CTNND2: variants seen among roughly 807,000 people sequenced by gnomAD.
The protein encoded by CTNND2 is catenin delta-2.
CTNND2 carries 22 observed loss-of-function variants against 144.4 expected under a neutral mutation model. The observed-to-expected ratio is 0.15, with a 90% CI of 0.11 to 0.22. The LOEUF (loss-of-function observed/expected upper bound fraction) is 0.22, where lower values mean the gene tolerates loss of function less well. Among genes scored for constraint, CTNND2 ranks in the 10% least tolerant of loss-of-function variants. The pLI is 1.00. For missense variants in CTNND2, 1,353 were observed against 1,618.8 expected (o/e 0.84, Z 2.82); for synonymous variants, 751 against 695.6 (o/e 1.08, Z -1.25).
chr5:11,798,619 T>C (rs1791524082), intron 1 of CTNND2, among the ~76,000 whole-genome samples: 1 of 152,196 alleles, frequency 6.6e-6, no homozygotes, highest in East Asian at 1.9e-4. Context: ...ATACAAATAT[T>C]ATCTGGGCCT....
intron 11 of CTNND2, among the ~76,000 whole-genome samples, chr5:11,190,901 T>C (rs923553241): frequency 6.6e-6 from 1 of 152,196 alleles, no homozygotes; most frequent in African/African-American, 2.4e-5. Flanking sequence ...AACGGAAAAG[T>C]AGAAGGCAGG....
intron 9 of CTNND2, among the ~76,000 whole-genome samples, chr5:11,340,693 G>A (rs1212387562): frequency 6.6e-6 from 1 of 152,184 alleles, no homozygotes; most frequent in Admixed American, 6.5e-5. Context: ...TTTTGCAGAA[G>A]TTGCCTGTGA....
At chr5:11,110,236 C>T (rs1345275859) in intron 14 of CTNND2, among the ~76,000 whole-genome samples, 1 of 152,124 alleles carries the variant, frequency 6.6e-6, no homozygotes, top group African/African-American at 2.4e-5. Context: ...GAACCTACTT[C>T]CCGCTGCAGC....
At chr5:10,989,572 T>G (rs1266030289) in intron 19 of CTNND2, among the ~76,000 whole-genome samples, 1 of 152,212 alleles carries the variant, frequency 6.6e-6, no homozygotes, top group Non-Finnish European at 1.5e-5. Context: ...TCAGTTTACC[T>G]TCGAGCTTAT....
chr5:11,830,734 T>C (rs1793855792), intron 1 of CTNND2, among the ~76,000 whole-genome samples: 1 of 152,020 alleles, frequency 6.6e-6, no homozygotes, highest in African/African-American at 2.4e-5. Flanking sequence ...GGGCTGAAAA[T>C]GGAGGAAGCT....
rs190117043 is a variant in CTNND2 at position 11,113,557 on chromosome 5, G to A, written c.2278-2514C>T. Among the ~76,000 whole-genome samples, 336 of 152,174 alleles carry A rather than the reference G, an allele frequency of 2.2e-3. 6 individuals are homozygous for A. The highest frequency in any genetic ancestry group is 2.2e-3 in the Non-Finnish European group (153 of 68,006). ...TTTGACTACAGGAACCATGGAAAGC[G>A]GAGAAAAATATCCAATTTTAGAAGG... On this transcript the variant is annotated intron_variant, in intron 13 of 21. Transcript: ENST00000304623.
At chr5:11,357,667 G>T (rs992886905) in intron 8 of CTNND2, among the ~76,000 whole-genome samples, 6 of 152,056 alleles carry the variant, frequency 3.9e-5, no homozygotes, top group African/African-American at 1.4e-4. Context: ...TTACAGAATA[G>T]CTAGAAGAGA....
intron 1 of CTNND2, among the ~76,000 whole-genome samples, chr5:11,744,902 AT>A (rs892636559): frequency 5.0e-4 from 76 of 151,676 alleles, no homozygotes; most frequent in African/African-American, 1.8e-3. Context: ...CGTCCAGCTA[AT>A]TTTTGTGCTT....
intron 1 of CTNND2, among the ~76,000 whole-genome samples, chr5:11,805,044 T>C (rs1411942059): frequency 2.6e-5 from 4 of 152,294 alleles, no homozygotes; most frequent in Admixed American, 6.5e-5. Flanking sequence ...TTGTTTCCCA[T>C]GGAAGCATGG....
intron 1 of CTNND2, among the ~76,000 whole-genome samples, chr5:11,869,575 T>C (rs1258793801): frequency 6.6e-6 from 1 of 152,134 alleles, no homozygotes; most frequent in East Asian, 1.9e-4. Flanking sequence ...GCTGCAAGAA[T>C]GGAAAGATGG....
intron 12 of CTNND2, among the ~76,000 whole-genome samples, chr5:11,120,514 C>T (rs1156247271): frequency 2.7e-5 from 4 of 148,670 alleles, no homozygotes; most frequent in African/African-American, 1.0e-4. Context: ...TAATGAGGCT[C>T]AGTATACATA....
chr5:11,473,451 G>A (rs968535304), intron 3 of CTNND2, among the ~76,000 whole-genome samples: 2 of 152,156 alleles, frequency 1.3e-5, no homozygotes, highest in Non-Finnish European at 2.9e-5. Flanking sequence ...CTGAGAAGGG[G>A]ATACTGAGTG....
In CTNND2 at chr5:11,659,952, A is replaced by C. The variant is rs181753564; in HGVS notation, c.174+72184T>G. Among the ~76,000 whole-genome samples, 3 of 152,250 alleles carry C rather than the reference A, an allele frequency of 2.0e-5. No individual in the cohort carries two copies. The East Asian group carries it at 5.8e-4, about 29-fold the overall frequency. ...ATATACCACTTTGAAGAGAATTGTA[A>C]ACACTTAACGGGCTAGAATATTGGA... On this transcript the variant is annotated intron_variant, in intron 2 of 21. Transcript: ENST00000304623.
intron 1 of CTNND2, among the ~76,000 whole-genome samples, chr5:11,824,202 T>C (rs1484173794): frequency 6.6e-6 from 1 of 151,736 alleles, no homozygotes; most frequent in Admixed American, 6.6e-5. Flanking sequence ...TCAGTATCCA[T>C]CCAGGCTTAA....
At chr5:11,635,132 G>T (rs1781615728) in intron 2 of CTNND2, among the ~76,000 whole-genome samples, 1 of 151,964 alleles carries the variant, frequency 6.6e-6, no homozygotes, top group African/African-American at 2.4e-5. Flanking sequence ...GAAATGACTT[G>T]GGCATGTTTT....
intron 1 of CTNND2, among the ~76,000 whole-genome samples, chr5:11,879,630 T>C (rs929675254): frequency 1.3e-5 from 2 of 152,072 alleles, no homozygotes; most frequent in African/African-American, 4.8e-5. Flanking sequence ...TTTTCTCTTA[T>C]ACAAAAATCT....
intron 9 of CTNND2, among the ~76,000 whole-genome samples, chr5:11,281,628 G>A (rs1019834455): frequency 1.3e-5 from 2 of 152,236 alleles, no homozygotes; most frequent in African/African-American, 2.4e-5. Context: ...CTGGAAGCTT[G>A]AGATCACAGT....
chr5:11,863,755 T>G (rs1411386306), intron 1 of CTNND2, among the ~76,000 whole-genome samples: 1 of 152,194 alleles, frequency 6.6e-6, no homozygotes, highest in African/African-American at 2.4e-5. Flanking sequence ...TAAAATCGCA[T>G]ATTGGAAGCA....
chr5:11,636,408 AT>A (rs1411924639), intron 2 of CTNND2, among the ~76,000 whole-genome samples: 1 of 152,180 alleles, frequency 6.6e-6, no homozygotes, highest in African/African-American at 2.4e-5. Flanking sequence ...ACCTATCCAG[AT>A]CCTGAATGTA....
Sources: allele counts gnomAD v4.1 joint callset (sites outside exome capture counted in the v4.1 genomes callset), GRCh38; gene constraint gnomAD v4.1.1; transcripts MANE v1.5; gene names NCBI Gene and HGNC (gene_info 2026-07-23, HGNC 2026-07-21).